Variants in ADK observed in about 807,000 individuals in gnomAD.
ADK encodes adenosine kinase, also known as N6,N6-dimethyladenosine kinase.
ADK carries 24 observed loss-of-function variants against 44.7 expected under a neutral mutation model. The observed-to-expected ratio is 0.54, with a 90% confidence interval of 0.39 to 0.76. The LOEUF (loss-of-function observed/expected upper bound fraction) is 0.76, where lower values mean the gene tolerates loss of function less well. ADK is among the 30% of genes least tolerant of loss of function. The pLI is 0.00. For missense variants in ADK, 321 were observed against 425.1 expected, an observed-to-expected ratio of 0.76 and a Z score of 2.15; for synonymous variants, 128 against 142.6, an observed-to-expected ratio of 0.90 and a Z score of 0.73.
chr10:74,530,178 C>G (rs532934944), intron 7 of ADK, among the ~76,000 whole-genome samples: 1 of 152,172 alleles, frequency 6.6e-6, no homozygotes, highest in South Asian at 2.1e-4. Flanking sequence ...TCCCTTTAAT[C>G]TCATCATCCA....
At chr10:74,594,401 T>TAA (rs76747860) in intron 8 of ADK, among the ~76,000 whole-genome samples, 1 of 147,142 alleles carries the variant, frequency 6.8e-6, no homozygotes, top group African/African-American at 2.5e-5. Flanking sequence ...ACAGAAGAAA[T>TAA]AAAAAAAAAA....
intron 10 of ADK, among the ~76,000 whole-genome samples, chr10:74,686,048 G>A (rs749867040): frequency 2.6e-5 from 4 of 152,004 alleles, no homozygotes; most frequent in Non-Finnish European, 5.9e-5. Flanking sequence ...TGCAAGCTCC[G>A]CCTCCCGGGT....
At position 74,294,406 on chromosome 10, in the gene ADK, C is replaced by G. The variant is rs535534122; in HGVS notation, c.195-20261C>G. ...GGTTCAAGTGATTCTCCTATCTCAG[C>G]CTCCCAAGTAGCTGGGATTACAGGC... On this transcript the variant is annotated intron_variant, in intron 3 of 10. Coordinates refer to ENST00000539909, the MANE Select transcript of ADK (RefSeq NM_006721.4). 5.3e-5 allele frequency among the ~76,000 whole-genome samples: 8 copies of G among 152,084 alleles called. No homozygotes were observed. The South Asian group carries it at 1.7e-3, about 32-fold the overall frequency.
At chr10:74,630,620 G>A (rs1432977186) in intron 9 of ADK, among the ~76,000 whole-genome samples, 2 of 152,044 alleles carry the variant, frequency 1.3e-5, no homozygotes, top group East Asian at 1.9e-4. Context: ...ATACTAATTA[G>A]CCTCGATAGT....
intron 6 of ADK, among the ~76,000 whole-genome samples, chr10:74,409,999 A>C (rs768045414): frequency 1.3e-5 from 2 of 152,216 alleles, no homozygotes; most frequent in African/African-American, 2.4e-5. Context: ...AAAGCAATAA[A>C]GCCCTTAAAA....
At chr10:74,541,585 G>A (rs1378751880) in intron 7 of ADK, among the ~76,000 whole-genome samples, 2 of 151,788 alleles carry the variant, frequency 1.3e-5, no homozygotes, top group Non-Finnish European at 2.9e-5. Flanking sequence ...TTTTTTATAG[G>A]AATACCATAG....
At chr10:74,154,641 T>C (rs951056662) in intron 1 of ADK, among the ~76,000 whole-genome samples, 1 of 152,224 alleles carries the variant, frequency 6.6e-6, no homozygotes, top group Non-Finnish European at 1.5e-5. Context: ...CGAAGTCATA[T>C]ATACCAAACT....
rs1564771218 is a variant in ADK, at chr10:74,522,638, A to T, written c.556-2618A>T. Among the ~76,000 whole-genome samples the T allele has an allele frequency of 2.6e-5, 4 of 151,752 alleles. No individual in the cohort carries two copies. The East Asian group carries it at 7.7e-4, about 29-fold the overall frequency. On this transcript the variant is annotated intron_variant, in intron 6 of 10. Transcript: ENST00000539909. ...AAATTTGAAAGTAATATTTTAAAAGATTTTTTTTTCTTTTTAAACTTTTCA... is the reference window on the plus strand; with the variant it reads ...AAATTTGAAAGTAATATTTTAAAAGTTTTTTTTTTCTTTTTAAACTTTTCA...
intron 6 of ADK, among the ~76,000 whole-genome samples, chr10:74,440,463 A>C (rs1845362396): frequency 6.6e-6 from 1 of 152,182 alleles, no homozygotes. Context: ...TATACTTGAA[A>C]AGAACAAAAG....
intron 6 of ADK, among the ~76,000 whole-genome samples, chr10:74,442,106 A>G (rs1044809746): frequency 6.6e-6 from 1 of 151,980 alleles, no homozygotes; most frequent in Non-Finnish European, 1.5e-5. Flanking sequence ...TAGGCAACAT[A>G]GGAAGACCCT....
At chr10:74,162,560 T>TGA (rs1402080985) in intron 1 of ADK, among the ~76,000 whole-genome samples, 2 of 146,248 alleles carry the variant, frequency 1.4e-5, no homozygotes, top group African/African-American at 2.5e-5. Context: ...TGTGTGTGTG[T>TGA]GTGAGACAGA....
chr10:74,553,387 G>A (rs1248258193), intron 7 of ADK, among the ~76,000 whole-genome samples: 1 of 151,802 alleles, frequency 6.6e-6, no homozygotes, highest in African/African-American at 2.4e-5. Context: ...TTGTAGTAGA[G>A]ATGGGGTTTC....
In ADK at chr10:74,398,412, A is replaced by G. The variant is rs1287458190; in HGVS notation, c.447-59A>G. ...TTGCAAAAAATATTGGTAATTATCT[A>G]TTGAAACATATGCTAAGTTTGACTA... On this transcript the variant is annotated intron_variant, in intron 5 of 10. Transcript: ENST00000539909. 3 of 1,154,178 alleles carry G rather than the reference A, an allele frequency of 2.6e-6. 1 individual carries two copies. The highest frequency in any genetic ancestry group is 2.9e-5 in the South Asian group (2 of 68,634). 71.5% of individuals were successfully genotyped at this position (1,154,178 alleles called of 1,614,324 possible).
chr10:74,312,689 C>G (rs1446105213), intron 3 of ADK, among the ~76,000 whole-genome samples: 5 of 150,130 alleles, frequency 3.3e-5, no homozygotes, highest in Non-Finnish European at 5.9e-5. Flanking sequence ...GGAGGATCGC[C>G]TGAGCTCAGG....
At chr10:74,390,152 A>C (rs1310715046) in intron 4 of ADK, among the ~76,000 whole-genome samples, 1 of 152,104 alleles carries the variant, frequency 6.6e-6, no homozygotes, top group Non-Finnish European at 1.5e-5. Flanking sequence ...ATAACACAGA[A>C]ATTTTCTGCT....
At chr10:74,297,542 A>G (rs1323505760) in intron 3 of ADK, among the ~76,000 whole-genome samples, 1 of 152,208 alleles carries the variant, frequency 6.6e-6, no homozygotes, top group Non-Finnish European at 1.5e-5. Flanking sequence ...ATACTCATTA[A>G]TTTATTCATA....
At chr10:74,171,937 C>T (rs537222884) in intron 1 of ADK, among the ~76,000 whole-genome samples, 1 of 151,766 alleles carries the variant, frequency 6.6e-6, no homozygotes, top group Non-Finnish European at 1.5e-5. Flanking sequence ...CTGCCTTTAC[C>T]TGGGAAAATA....
intron 6 of ADK, among the ~76,000 whole-genome samples, chr10:74,499,354 T>C (rs1317551311): frequency 6.6e-6 from 1 of 152,180 alleles, no homozygotes; most frequent in African/African-American, 2.4e-5. Context: ...TTAAAGACCC[T>C]ATGAAAAGTT....
At chr10:74,646,498 A>G (rs1854059182) in intron 9 of ADK, among the ~76,000 whole-genome samples, 1 of 152,218 alleles carries the variant, frequency 6.6e-6, no homozygotes, top group Non-Finnish European at 1.5e-5. Flanking sequence ...CAGTCTCTGT[A>G]GTTAAAGAGA....
Sources: allele counts gnomAD v4.1 joint callset (sites outside exome capture counted in the v4.1 genomes callset), GRCh38; gene constraint gnomAD v4.1.1; transcripts MANE v1.5; gene names NCBI Gene and HGNC (gene_info 2026-07-23, HGNC 2026-07-21).